The following CEACAM21 variants were observed in gnomAD, a reference collection of about 807,000 sequenced individuals.
The protein encoded by CEACAM21 is cell adhesion molecule CEACAM21.
Under a neutral mutation model 33.2 loss-of-function variants are expected in CEACAM21, and 38 were observed. The observed-to-expected ratio is 1.14, with a 90% CI of 0.88 to 1.50. The LOEUF (loss-of-function observed/expected upper bound fraction) is 1.50, where lower values mean the gene tolerates loss of function less well. Among genes scored for constraint, CEACAM21 ranks in the 40% most tolerant of loss-of-function variants. CEACAM21 has a pLI of 0.00. For missense variants in CEACAM21, 385 were observed against 364.6 expected (o/e 1.06, Z -0.46); for synonymous variants, 156 against 143.0 (o/e 1.09, Z -0.65).
chr19:41,581,139 C>G (rs1555793371), intron 3 of CEACAM21, among the ~76,000 whole-genome samples: 2 of 152,334 alleles, frequency 1.3e-5, no homozygotes, highest in East Asian at 3.9e-4. Flanking sequence ...CCCTAATGCC[C>G]AAGCTGGAAG....
upstream of CEACAM21, among the ~76,000 whole-genome samples, chr19:41,571,277 C>T (rs1368437098): frequency 3.3e-5 from 5 of 152,188 alleles, no homozygotes; most frequent in African/African-American, 1.2e-4. Flanking sequence ...AAACTTATAT[C>T]TTCAATATCT....
intron 4 of CEACAM21, among the ~76,000 whole-genome samples, chr19:41,584,898 G>A (rs1040437648): frequency 6.6e-6 from 1 of 152,220 alleles, no homozygotes; most frequent in Non-Finnish European, 1.5e-5. Context: ...ACACTGAGCT[G>A]TGAGAAGGGA....
chr19:41,574,838 A>G (rs781994168), upstream of CEACAM21, among the ~76,000 whole-genome samples: 1 of 152,208 alleles, frequency 6.6e-6, no homozygotes, highest in Non-Finnish European at 1.5e-5. Flanking sequence ...ATACTCCTAT[A>G]TGTACCCCCA....
chr19:41,557,039 T>C (rs1189593735), intron 1 of CEACAM21, among the ~76,000 whole-genome samples: 2 of 152,226 alleles, frequency 1.3e-5, no homozygotes, highest in Non-Finnish European at 2.9e-5. Context: ...CTTCTTCCAG[T>C]AGTGATTCAA....
At position 41,585,173 on chromosome 19, in the gene CEACAM21, G is replaced by C. The variant is rs146987521; in HGVS notation, c.798-270G>C. On this transcript the variant is annotated intron_variant, in intron 4 of 6. Coordinates refer to ENST00000401445, the MANE Select transcript of CEACAM21 (RefSeq NM_001098506.4). Reference sequence around the variant, plus strand: ...CCCTGGTGGTCTGATTCCTTCCCTGGGTCCTCAGTCCCTTTCCTGTGTCAC... The same window carrying C: ...CCCTGGTGGTCTGATTCCTTCCCTGCGTCCTCAGTCCCTTTCCTGTGTCAC... Among the ~76,000 whole-genome samples the C allele has an allele frequency of 1.0e-3, 152 of 152,126 alleles. 1 individual carries two copies. Among genetic ancestry groups the C allele is most frequent in the African/African-American group, 3.4e-3 (143 of 41,494 alleles).
chr19:41,577,160 C>T (rs1419058267), intron 1 of CEACAM21, 40 bp from the exon 2 acceptor site: 5 of 1,612,136 alleles, frequency 3.1e-6, no homozygotes, highest in Admixed American at 1.7e-5. Flanking sequence ...CATGCCAATG[C>T]ATAGGTCAAA....
intron 2 of CEACAM21, chr19:41,565,076 A>T (rs1222780375): frequency 6.6e-6 from 1 of 152,404 alleles, no homozygotes; most frequent in South Asian, 2.1e-4. Flanking sequence ...CCCAACCTGC[A>T]CCATTCGCGC....
intron 3 of CEACAM21, among the ~76,000 whole-genome samples, chr19:41,583,019 A>G (rs2043532663): frequency 1.3e-5 from 2 of 152,216 alleles, no homozygotes; most frequent in African/African-American, 2.4e-5. Flanking sequence ...CCTTTTAAAC[A>G]TAAGTTCCAA....
chr19:41,552,500 C>T (rs1236672998), intron 1 of CEACAM21, among the ~76,000 whole-genome samples: 1 of 152,180 alleles, frequency 6.6e-6, no homozygotes, highest in Non-Finnish European at 1.5e-5. Flanking sequence ...GCACTTTCAG[C>T]TTTTGATACT....
At chr19:41,573,952 A>G (rs1461678275), upstream of CEACAM21, among the ~76,000 whole-genome samples, 3 of 152,220 alleles carry the variant, frequency 2.0e-5, no homozygotes, top group African/African-American at 7.2e-5. Context: ...AAACTTACTA[A>G]AACACTACAA....
chr19:41,561,386 T>C (rs2041872220), intron 1 of CEACAM21, among the ~76,000 whole-genome samples: 1 of 140,396 alleles, frequency 7.1e-6, no homozygotes, highest in African/African-American at 2.7e-5. Flanking sequence ...ACATGAAACC[T>C]GGTTGAAAGA....
upstream of CEACAM21, among the ~76,000 whole-genome samples, chr19:41,572,654 G>A (rs1323467764): frequency 6.6e-6 from 1 of 152,114 alleles, no homozygotes; most frequent in Non-Finnish European, 1.5e-5. Flanking sequence ...AAAGATACCT[G>A]TGCACACCCA....
chr19:41,583,206 T>C (rs2070444616), intron 3 of CEACAM21, among the ~76,000 whole-genome samples: 1 of 152,164 alleles, frequency 6.6e-6, no homozygotes, highest in African/African-American at 2.4e-5. Context: ...CAATCTCTTT[T>C]CTAGAGTATA....
chr19:41,574,880 T>C (rs1406904903), upstream of CEACAM21, among the ~76,000 whole-genome samples: 1 of 152,120 alleles, frequency 6.6e-6, no homozygotes, highest in Non-Finnish European at 1.5e-5. Flanking sequence ...AAACAGATAC[T>C]TCCAAGTGTA....
chr19:41,563,031 G>A (rs1214756088), intron 1 of CEACAM21, among the ~76,000 whole-genome samples: 5 of 152,166 alleles, frequency 3.3e-5, no homozygotes, highest in Admixed American at 6.5e-5. Context: ...CCCAGCCTCA[G>A]TATTTCATTT....
In CEACAM21 at chr19:41,565,056, GGTGA is replaced by G. The variant is rs2042156897; in HGVS notation, c.-404+3_-404+6del. The G allele has an allele frequency of 6.6e-6, 1 of 152,432 alleles. No individual in the cohort carries two copies. Among genetic ancestry groups the G allele is most frequent in the Non-Finnish European group, 1.5e-5 (1 of 68,242 alleles). 9.4% of individuals were successfully genotyped at this position (152,432 alleles called of 1,614,324 possible). A position where few individuals can be genotyped will look rare whatever the true frequency, so the allele number is the denominator to read the frequency against. On this transcript the variant is annotated splice_donor_variant and splice_donor_region_variant and intron_variant, in intron 2 of 7. Coordinates refer to the CEACAM21 transcript ENST00000407170. LOFTEE classifies it low-confidence loss of function (5UTR_SPLICE). ...ACCGGACCGACCCCCGACGGTGCGT[GGTGA>G]GTCTCCCCAACCTGCACCATTCGCG...
rs551080917 is a variant in CEACAM21, at chr19:41,552,554, C to T, written c.-779+3002C>T. On this transcript the variant is annotated intron_variant, in intron 1 of 7. Coordinates refer to the CEACAM21 transcript ENST00000407170. ...AGTACTGAAGTAGTTGTGATGGGGACCTCCATTAGTGAAATCTGGCCTGCC... is the reference window on the plus strand; with the variant it reads ...AGTACTGAAGTAGTTGTGATGGGGATCTCCATTAGTGAAATCTGGCCTGCC... 7.2e-5 allele frequency among the ~76,000 whole-genome samples: 11 copies of T among 152,240 alleles called. No individual in the cohort carries two copies. In the South Asian group the frequency reaches 2.3e-3, roughly 32 times the overall value.
At chr19:41,585,103 G>T in intron 4 of CEACAM21, among the ~76,000 whole-genome samples, 1 of 152,156 alleles carries the variant, frequency 6.6e-6, no homozygotes, top group East Asian at 1.9e-4. Context: ...ACATGTGCCT[G>T]GCCCTGCTTT....
chr19:41,572,587 G>A (rs1456014673), upstream of CEACAM21, among the ~76,000 whole-genome samples: 1 of 152,072 alleles, frequency 6.6e-6, no homozygotes, highest in African/African-American at 2.4e-5. Flanking sequence ...TGAGTGCTTG[G>A]TGAGTCTGCA....
Sources: allele counts gnomAD v4.1 joint callset (sites outside exome capture counted in the v4.1 genomes callset), GRCh38; gene constraint gnomAD v4.1.1; transcripts MANE v1.5; gene names NCBI Gene and HGNC (gene_info 2026-07-23, HGNC 2026-07-21).